The following SPAG16 variants were observed in gnomAD, a reference collection of about 807,000 sequenced individuals.
SPAG16 encodes sperm associated antigen 16.
SPAG16 carries 86 observed loss-of-function variants against 80.4 expected under a neutral mutation model. That is an observed-to-expected ratio of 1.07 (90% CI 0.90 to 1.28). The LOEUF (loss-of-function observed/expected upper bound fraction) is 1.28. Among genes scored for constraint, SPAG16 ranks in the 50% most tolerant of loss-of-function variants. SPAG16 has a pLI of 0.00. For synonymous variants in SPAG16, 294 were observed against 265.9 expected (o/e 1.11, Z -1.03); for missense variants, 870 against 765.3 (o/e 1.14, Z -1.61).
intron 10 of SPAG16, among the ~76,000 whole-genome samples, chr2:213,577,747 T>C (rs2060176598): frequency 1.3e-5 from 2 of 152,168 alleles, no homozygotes; most frequent in African/African-American, 2.4e-5. Flanking sequence ...TCAAAGTTGC[T>C]CGGTTATTTG....
intron 8 of SPAG16, among the ~76,000 whole-genome samples, chr2:213,368,257 T>A (rs573179150): frequency 3.4e-4 from 52 of 152,216 alleles, no homozygotes; most frequent in African/African-American, 1.1e-3. Flanking sequence ...CTTAGGATTG[T>A]CTTGGCTATG....
chr2:214,255,028 TGAGGAAAAC>T (rs1393855351), intron 15 of SPAG16, among the ~76,000 whole-genome samples: 1 of 152,086 alleles, frequency 6.6e-6, no homozygotes, highest in Non-Finnish European at 1.5e-5. Flanking sequence ...CTATAAAATG[TGAGGAAAAC>T]GCATTTTAAT....
At chr2:213,764,184 G>A (rs56310582) in intron 10 of SPAG16, among the ~76,000 whole-genome samples, 52,197 of 151,956 alleles carry the variant, frequency 0.34, 10,621 homozygotes, top group East Asian at 0.58. Context: ...ATTTTAAAAT[G>A]ATGACTAAGT....
intron 10 of SPAG16, among the ~76,000 whole-genome samples, chr2:213,611,062 G>A (rs2061425966): frequency 6.6e-6 from 1 of 152,144 alleles, no homozygotes; most frequent in Admixed American, 6.5e-5. Flanking sequence ...TCCCACTCAA[G>A]ATGGAGTCAC....
At chr2:214,278,951 T>C (rs759384817) in intron 15 of SPAG16, among the ~76,000 whole-genome samples, 1 of 152,214 alleles carries the variant, frequency 6.6e-6, no homozygotes, top group Non-Finnish European at 1.5e-5. Context: ...ACTTTTCCTG[T>C]GTCATCTTTT....
At chr2:214,318,379 T>TG (rs1393764016) in intron 15 of SPAG16, among the ~76,000 whole-genome samples, 1 of 135,234 alleles carries the variant, frequency 7.4e-6, no homozygotes, top group Non-Finnish European at 1.6e-5. Flanking sequence ...AATTCTTTTT[T>TG]TTTTTTTTTT....
intron 15 of SPAG16, among the ~76,000 whole-genome samples, chr2:214,205,228 A>T (rs2058109232): frequency 7.4e-6 from 1 of 135,944 alleles, no homozygotes; most frequent in African/African-American, 2.4e-5. Flanking sequence ...TGCCAAAAAA[A>T]AAGAAAGAAG....
At chr2:213,832,278 G>A (rs1242345276) in intron 10 of SPAG16, among the ~76,000 whole-genome samples, 4 of 152,088 alleles carry the variant, frequency 2.6e-5, no homozygotes, top group Non-Finnish European at 1.5e-5. Context: ...TTACAGGCAT[G>A]AGCCACCATG....
Position 213,832,315 on chromosome 2 carries a change from C to T in SPAG16, c.1071-30170C>T, listed in dbSNP as rs1201784008. On this transcript the variant is annotated intron_variant, in intron 10 of 15. Coordinates refer to ENST00000331683, the MANE Select transcript of SPAG16 (RefSeq NM_024532.5). ...CTGGCACTTTTAATTCTTGTTGGGG[C>T]TCAGAACACGATACCCCGAAGTATG... 2.0e-5 allele frequency among the ~76,000 whole-genome samples: 3 copies of T among 151,992 alleles called. No individual in the cohort carries two copies. The East Asian group carries it at 5.8e-4, about 29-fold the overall frequency.
intron 10 of SPAG16, among the ~76,000 whole-genome samples, chr2:213,604,714 T>G (rs2061192319): frequency 6.6e-6 from 1 of 152,026 alleles, no homozygotes; most frequent in Non-Finnish European, 1.5e-5. Context: ...TACAGTTCTA[T>G]TTCTACACAA....
At chr2:214,124,263 ATT>A (rs1183090156) in intron 14 of SPAG16, among the ~76,000 whole-genome samples, 1 of 150,172 alleles carries the variant, frequency 6.7e-6, no homozygotes, top group Non-Finnish European at 1.5e-5. Context: ...AAAATATTTT[ATT>A]TTTTTATAAG....
At position 213,852,575 on chromosome 2, in the gene SPAG16, G is replaced by A. The variant is rs541873886; in HGVS notation, c.1071-9910G>A. Among the ~76,000 whole-genome samples the A allele has an allele frequency of 4.6e-5, 7 of 152,198 alleles. No homozygotes were observed. In the East Asian group the frequency reaches 1.4e-3, roughly 29 times the overall value. ...TTGCAGCCTTAGCACTTTTGCACTT[G>A]CAGTCACCTGTGACTGAAACCATCT... is the stretch of plus-strand genomic sequence containing the variant. On this transcript the variant is annotated intron_variant, in intron 10 of 15. Transcript: ENST00000331683.
chr2:213,583,937 T>C (rs965019566), intron 10 of SPAG16, among the ~76,000 whole-genome samples: 2 of 152,206 alleles, frequency 1.3e-5, no homozygotes, highest in African/African-American at 4.8e-5. Context: ...GTGAGTGCAG[T>C]TTCTTTCACC....
intron 12 of SPAG16, among the ~76,000 whole-genome samples, chr2:213,975,752 T>C (rs772212650): frequency 6.6e-6 from 1 of 151,848 alleles, no homozygotes; most frequent in Non-Finnish European, 1.5e-5. Context: ...AATAAATACA[T>C]GGAAAGAGAA....
intron 10 of SPAG16, among the ~76,000 whole-genome samples, chr2:213,651,010 A>G (rs1426498342): frequency 3.3e-5 from 5 of 152,132 alleles, no homozygotes; most frequent in Non-Finnish European, 7.3e-5. Context: ...GTTATAGGAG[A>G]TAAGGATTTA....
chr2:213,339,205 T>G (rs1479518428), intron 5 of SPAG16, among the ~76,000 whole-genome samples: 1 of 152,194 alleles, frequency 6.6e-6, no homozygotes, highest in Non-Finnish European at 1.5e-5. Flanking sequence ...CCTCAGTGAT[T>G]GACTTCTGAC....
intron 10 of SPAG16, among the ~76,000 whole-genome samples, chr2:213,672,235 AT>A (rs1232624064): frequency 6.6e-6 from 1 of 150,628 alleles, no homozygotes; most frequent in African/African-American, 2.4e-5. Context: ...CTATCATGAC[AT>A]GTCTTGTTCT....
Position 213,910,497 on chromosome 2 carries a change from T to G in SPAG16, c.1215-19463T>G, listed in dbSNP as rs2077617365. On this transcript the variant is annotated intron_variant, in intron 11 of 15. Transcript: ENST00000331683. ...TGCTTTTGTAAGAATTCTTTTTTTT[T>G]TTTTTTTTTGAGACGGAGTCTCGCT... 6.8e-5 allele frequency among the ~76,000 whole-genome samples: 2 copies of G among 29,520 alleles called. 1 individual carries two copies. The highest frequency in any genetic ancestry group is 8.7e-4 in the Admixed American group (2 of 2,292). The allele number at this position is 29,520 out of a possible 152,430, so 19.4% of individuals were successfully genotyped here. A position where few individuals can be genotyped will look rare whatever the true frequency, so the allele number is the denominator to read the frequency against.
chr2:213,591,598 G>T (rs1244652604), intron 10 of SPAG16, among the ~76,000 whole-genome samples: 3 of 152,282 alleles, frequency 2.0e-5, no homozygotes, highest in Non-Finnish European at 1.5e-5. Flanking sequence ...CATTAATCAG[G>T]ATCATCATGA....
Sources: allele counts gnomAD v4.1 joint callset (sites outside exome capture counted in the v4.1 genomes callset), GRCh38; gene constraint gnomAD v4.1.1; transcripts MANE v1.5; gene names NCBI Gene and HGNC (gene_info 2026-07-23, HGNC 2026-07-21).